Variants in ANKS1B observed in about 807,000 individuals in gnomAD.
ANKS1B encodes ankyrin repeat and sterile alpha motif domain-containing protein 1B.
Under a neutral mutation model 148.3 loss-of-function variants are expected in ANKS1B, and 36 were observed. The observed-to-expected ratio is 0.24, with a 90% confidence interval of 0.19 to 0.32. The LOEUF (loss-of-function observed/expected upper bound fraction) is 0.32, where lower values mean the gene tolerates loss of function less well. Among genes scored for constraint, ANKS1B ranks in the 10% least tolerant of loss-of-function variants. The probability of loss-of-function intolerance (pLI) is 1.00; values close to 1 mark genes in which losing one functional copy is unlikely to be tolerated. For synonymous variants in ANKS1B, 542 were observed against 560.8 expected (o/e 0.97, Z 0.47); for missense variants, 1,157 against 1,542.6 (o/e 0.75, Z 4.19).
At chr12:99,500,282 C>A (rs2860043) in intron 10 of ANKS1B, among the ~76,000 whole-genome samples, 1 of 152,004 alleles carries the variant, frequency 6.6e-6, no homozygotes, top group Non-Finnish European at 1.5e-5. Flanking sequence ...GGACGTAATA[C>A]AAATGATGCA....
At chr12:99,178,506 A>G (rs2078685423) in intron 14 of ANKS1B, among the ~76,000 whole-genome samples, 1 of 152,152 alleles carries the variant, frequency 6.6e-6, no homozygotes, top group Non-Finnish European at 1.5e-5. Flanking sequence ...AATATGTTGC[A>G]ATTGAAGAGG....
chr12:99,652,055 T>G (rs1419255196), intron 9 of ANKS1B, among the ~76,000 whole-genome samples: 1 of 147,394 alleles, frequency 6.8e-6, no homozygotes, highest in Non-Finnish European at 1.5e-5. Flanking sequence ...TATATATACA[T>G]AAAACATGTT....
rs777326848 is a variant in ANKS1B, at chr12:98,831,925, T to C, written c.2886+104A>G. The C allele has an allele frequency of 3.7e-6, 4 of 1,085,068 alleles. No homozygotes were observed. The African/African-American group carries it at 6.3e-5, about 17-fold the overall frequency. The allele number at this position is 1,085,068 out of a possible 1,614,324, so 67.2% of individuals were successfully genotyped here. On this transcript the variant is annotated intron_variant, in intron 18 of 26. Coordinates refer to ENST00000683438, the MANE Select transcript of ANKS1B (RefSeq NM_001352186.2). Reference sequence around the variant, plus strand: ...CAACCACACCTGGCTAAATTTTTTCTGTTTTCAGTAGAGGCAGGGTCTCAC... The same window carrying C: ...CAACCACACCTGGCTAAATTTTTTCCGTTTTCAGTAGAGGCAGGGTCTCAC...
At chr12:99,628,910 G>A (rs760179779) in intron 9 of ANKS1B, among the ~76,000 whole-genome samples, 53 of 152,134 alleles carry the variant, frequency 3.5e-4, no homozygotes, top group Non-Finnish European at 3.5e-4. Context: ...TACTTAATGG[G>A]TAGGACATTC....
rs941993133 is a variant in ANKS1B at position 99,945,582 on chromosome 12, T to C, written c.134+38522A>G. On this transcript the variant is annotated intron_variant, in intron 1 of 26. Coordinates refer to ENST00000683438, the MANE Select transcript of ANKS1B (RefSeq NM_001352186.2). ...CAAAAGCAATTGTCTCACAATATAA[T>C]GAGCCAGGTCTGCGAGGCAAGTCCT... is the stretch of plus-strand genomic sequence containing the variant. 2.6e-5 allele frequency among the ~76,000 whole-genome samples: 4 copies of C among 152,314 alleles called. No individual in the cohort carries two copies. In the East Asian group the frequency reaches 7.7e-4, roughly 29 times the overall value.
chr12:98,973,032 T>C (rs1048917591), intron 17 of ANKS1B, among the ~76,000 whole-genome samples: 2 of 152,172 alleles, frequency 1.3e-5, no homozygotes, highest in South Asian at 4.1e-4. Flanking sequence ...CTCTTTGTGG[T>C]TGGTAACATG....
At chr12:99,725,727 T>G (rs1045365645) in intron 8 of ANKS1B, among the ~76,000 whole-genome samples, 1 of 152,164 alleles carries the variant, frequency 6.6e-6, no homozygotes, top group Non-Finnish European at 1.5e-5. Context: ...TGGCATTTAT[T>G]CTCAAATTGA....
At chr12:98,813,026 G>A (rs2099110312) in intron 19 of ANKS1B, among the ~76,000 whole-genome samples, 1 of 152,076 alleles carries the variant, frequency 6.6e-6, no homozygotes, top group African/African-American at 2.4e-5. Context: ...CTGAGTGCTG[G>A]AATTAATTTT....
intron 14 of ANKS1B, among the ~76,000 whole-genome samples, chr12:99,205,128 T>C (rs1158174079): frequency 6.6e-6 from 1 of 151,932 alleles, no homozygotes; most frequent in Admixed American, 6.5e-5. Flanking sequence ...CCAAGCAAAA[T>C]CTAAGTTGTT....
intron 9 of ANKS1B, among the ~76,000 whole-genome samples, chr12:99,652,346 C>T (rs896917257): frequency 2.0e-5 from 3 of 151,736 alleles, no homozygotes; most frequent in African/African-American, 4.8e-5. Flanking sequence ...AGTGGCGCAC[C>T]CCTGTAATCC....
At chr12:99,521,733 G>T (rs1858380) in intron 9 of ANKS1B, among the ~76,000 whole-genome samples, 32,031 of 145,888 alleles carry the variant, frequency 0.22, 3,739 homozygotes, top group African/African-American at 0.37. Context: ...TCAATCTCTC[G>T]CTCTCTCTCT....
chr12:99,834,589 T>C (rs1023725115), intron 1 of ANKS1B, among the ~76,000 whole-genome samples: 1 of 152,204 alleles, frequency 6.6e-6, no homozygotes, highest in Non-Finnish European at 1.5e-5. Flanking sequence ...CAGAATATTC[T>C]ATTATCTAAG....
chr12:99,849,446 T>C (rs1425108682), intron 1 of ANKS1B, among the ~76,000 whole-genome samples: 4 of 152,028 alleles, frequency 2.6e-5, no homozygotes. Flanking sequence ...GCTAGTAAAA[T>C]ATAAATTGGT....
intron 1 of ANKS1B, among the ~76,000 whole-genome samples, chr12:99,944,031 C>A (rs1042533536): frequency 6.6e-6 from 1 of 151,882 alleles, no homozygotes; most frequent in African/African-American, 2.4e-5. Context: ...TCAACTCCTG[C>A]TCCTTCTCCT....
At chr12:99,058,938 C>T (rs997760407) in intron 16 of ANKS1B, among the ~76,000 whole-genome samples, 8 of 151,162 alleles carry the variant, frequency 5.3e-5, no homozygotes, top group Admixed American at 2.0e-4. Context: ...GGGGTTTCAC[C>T]GTGTTAGCCA....
At chr12:99,207,759 G>A (rs1446810900) in intron 14 of ANKS1B, among the ~76,000 whole-genome samples, 2 of 151,974 alleles carry the variant, frequency 1.3e-5, no homozygotes, top group Non-Finnish European at 2.9e-5. Flanking sequence ...AAACTATGAG[G>A]TATGAAAGAT....
intron 14 of ANKS1B, among the ~76,000 whole-genome samples, chr12:99,217,229 A>G (rs1005172879): frequency 5.3e-5 from 8 of 151,886 alleles, no homozygotes; most frequent in Non-Finnish European, 1.2e-4. Context: ...TGTCCCTTTC[A>G]TTCACTCCTC....
At chr12:98,980,349 C>T (rs577699565) in intron 17 of ANKS1B, among the ~76,000 whole-genome samples, 62 of 152,176 alleles carry the variant, frequency 4.1e-4, no homozygotes, top group South Asian at 4.2e-4. Context: ...TACAGGCACC[C>T]GCCACCACGC....
chr12:99,115,757 T>C (rs2061232501), intron 15 of ANKS1B, among the ~76,000 whole-genome samples: 1 of 151,850 alleles, frequency 6.6e-6, no homozygotes, highest in African/African-American at 2.4e-5. Flanking sequence ...ATGGTGAAAC[T>C]CTGTCTCTAC....
Sources: gnomAD v4.1 joint callset for allele counts (sites outside exome capture counted in the v4.1 genomes callset) on GRCh38, gnomAD v4.1.1 for gene constraint, MANE v1.5 for transcripts, NCBI Gene and HGNC (gene_info 2026-07-23, HGNC 2026-07-21) for gene names.